The following ADAMTS14 variants were observed in gnomAD, a reference collection of about 807,000 sequenced individuals.
The protein encoded by ADAMTS14 is A disintegrin and metalloproteinase with thrombospondin motifs 14.
Under a neutral mutation model 128.6 loss-of-function variants are expected in ADAMTS14, and 100 were observed. That is an observed-to-expected ratio of 0.78 (90% CI 0.66 to 0.92). The LOEUF (loss-of-function observed/expected upper bound fraction) is 0.92, where lower values mean the gene tolerates loss of function less well. Among genes scored for constraint, ADAMTS14 ranks in the 40% least tolerant of loss-of-function variants. ADAMTS14 has a pLI of 0.00. For synonymous variants in ADAMTS14, 665 were observed against 653.8 expected, an observed-to-expected ratio of 1.02 and a Z score of -0.26; for missense variants, 1,562 against 1,658.6, an observed-to-expected ratio of 0.94 and a Z score of 1.01.
intron 4 of ADAMTS14, among the ~76,000 whole-genome samples, chr10:70,709,797 G>A (rs2132617307): frequency 6.6e-6 from 1 of 152,312 alleles, no homozygotes; most frequent in Admixed American, 6.5e-5. Context: ...ACCGCGCCCA[G>A]CCTACATTTC....
chr10:70,756,945 G>A (rs900372738), intron 19 of ADAMTS14, among the ~76,000 whole-genome samples: 2 of 152,076 alleles, frequency 1.3e-5, no homozygotes. Context: ...GTCAGGAGCT[G>A]TTAGCTGCTG....
At chr10:70,695,557 A>C (rs1280580351) in intron 2 of ADAMTS14, among the ~76,000 whole-genome samples, 1 of 152,132 alleles carries the variant, frequency 6.6e-6, no homozygotes, top group Non-Finnish European at 1.5e-5. Flanking sequence ...GACTGATGGA[A>C]CCACCAGGGT....
chr10:70,674,495 C>A, intron 1 of ADAMTS14, 61 bp from the exon 2 acceptor site: 1 of 1,535,982 alleles, frequency 6.5e-7, no homozygotes, highest in Non-Finnish European at 8.8e-7. Context: ...CGTGGGATTT[C>A]TGACTTCCCC....
chr10:70,751,710 G>A lies in ADAMTS14; in HGVS notation c.2596+64G>A, dbSNP rs1842356849. 1.2e-5 allele frequency: 19 copies of A among 1,563,608 alleles called. No individual in the cohort carries two copies. The Admixed American group carries it at 3.1e-4, about 25-fold the overall frequency. On this transcript the variant is annotated intron_variant, in intron 17 of 21. Transcript: ENST00000373207. Reference sequence around the variant, plus strand: ...GCCCAGGATCCCTTGAGAGGCAGGGGTGGGGGACTGATGTTGTCTCCATTT... The same window carrying A: ...GCCCAGGATCCCTTGAGAGGCAGGGATGGGGGACTGATGTTGTCTCCATTT...
rs1284865636 is a variant in ADAMTS14, at chr10:70,751,616, TG to T, written c.2569del (p.Ala857ProfsTer56). ...MDTYEWALKS[W>X]APCSKACGGG... The stretch of plus-strand genomic sequence containing the variant: ...CACCTATGAGTGGGCGCTCAAGAGC[TG>T]GGCCCCCTGCAGCAAGGCCTGTGGA... On this transcript the variant is annotated frameshift_variant, in exon 17 of 22. Transcript: ENST00000373207. The T allele has an allele frequency of 5.6e-6, 9 of 1,611,450 alleles. No individual in the cohort carries two copies. In the African/African-American group the frequency reaches 1.1e-4, roughly 19 times the overall value.
chr10:70,708,849 C>G, intron 4 of ADAMTS14, 71 bp downstream of exon 4: 1 of 1,226,318 alleles, frequency 8.2e-7, no homozygotes, highest in Admixed American at 2.6e-5. Context: ...CCACTGGGCC[C>G]CAGTGCTGAT....
rs770831901 is a variant in ADAMTS14, at chr10:70,753,886, T to C, written c.2816T>C (p.Leu939Pro). Residue 939 changes from leucine to proline, a missense_variant, in exon 19 of 22, where the codon CTC (leucine) becomes CCC (proline). Transcript: ENST00000373207. ...QTRGIQCLLP[L>P]SNGTHKVMPA... ...CGGGGGATACAGTGCCTGCTGCCCC[T>C]CTCCAATGGAACCCACAAGGTCATG... 1.3e-6 allele frequency: 2 copies of C among 1,592,018 alleles called. No homozygotes were observed. Among genetic ancestry groups the C allele is most frequent in the South Asian group, 2.3e-5 (2 of 86,790 alleles).
chr10:70,700,642 C>G (rs1840465968), intron 2 of ADAMTS14, among the ~76,000 whole-genome samples: 2 of 152,120 alleles, frequency 1.3e-5, no homozygotes, highest in South Asian at 4.2e-4. Context: ...AGTACCTTCC[C>G]CTTCAGGCCA....
intron 2 of ADAMTS14, among the ~76,000 whole-genome samples, chr10:70,675,449 T>C (rs539888588): frequency 6.6e-5 from 10 of 152,320 alleles, no homozygotes; most frequent in Middle Eastern, 3.4e-3. Flanking sequence ...GTGTTAATGA[T>C]ATGGCCTGCC....
At chr10:70,690,699 CTT>C (rs1182708110) in intron 2 of ADAMTS14, among the ~76,000 whole-genome samples, 1 of 145,168 alleles carries the variant, frequency 6.9e-6, no homozygotes, top group Non-Finnish European at 1.6e-5. Context: ...GGGGCCCTCT[CTT>C]GGGCCTGTTC....
intron 6 of ADAMTS14, among the ~76,000 whole-genome samples, chr10:70,730,675 A>C (rs1841607154): frequency 1.3e-5 from 2 of 152,148 alleles, no homozygotes; most frequent in African/African-American, 2.4e-5. Flanking sequence ...CACCTTGCCA[A>C]CCCAGTGGTC....
intron 6 of ADAMTS14, 24 bp from the exon 7 acceptor site, chr10:70,732,227 TCCA>T: frequency 6.2e-7 from 1 of 1,605,796 alleles, no homozygotes; most frequent in Non-Finnish European, 8.5e-7. Context: ...CACCTCGCTC[TCCA>T]CCTTTTCTTT....
intron 12 of ADAMTS14, among the ~76,000 whole-genome samples, chr10:70,743,148 G>T (rs1386468912): frequency 1.3e-5 from 2 of 152,172 alleles, no homozygotes; most frequent in Non-Finnish European, 2.9e-5. Context: ...TCATTGAGGT[G>T]TTGAGAGGGT....
intron 4 of ADAMTS14, among the ~76,000 whole-genome samples, 157 bp from the exon 5 acceptor site, chr10:70,729,137 C>G (rs566512193): frequency 6.6e-6 from 1 of 152,178 alleles, no homozygotes; most frequent in South Asian, 2.1e-4. Context: ...ATTTTGCCCC[C>G]TCAGTCTCAG....
chr10:70,734,873 A>C (rs4747092), intron 8 of ADAMTS14, among the ~76,000 whole-genome samples: 13 of 152,130 alleles, frequency 8.5e-5, no homozygotes, highest in African/African-American at 3.1e-4. Flanking sequence ...TGTCCCTCTA[A>C]GGTGGGCAAA....
rs2587475 is a variant in ADAMTS14 at position 70,753,926 on chromosome 10, C to T, written c.2856C>T (p.Cys952=). ...ACAAGGTCATGCCGGCCAAAGCCTG[C>T]GCCGGGGACCGGCCTGAGGCCCGAC... ...GTHKVMPAKA[C]AGDRPEARRP... The change falls in exon 19 of 22, where the codon TGC becomes TGT. Residue 952 remains cysteine (C), a synonymous_variant. Transcript: ENST00000373207. The T allele has an allele frequency of 0.56, 881,785 of 1,587,610 alleles. 246,119 individuals are homozygous for T. Among genetic ancestry groups the T allele is most frequent in the Admixed American group, 0.64 (35,995 of 55,962 alleles).
intron 2 of ADAMTS14, among the ~76,000 whole-genome samples, chr10:70,683,064 C>T (rs75326903): frequency 0.042 from 6,454 of 152,342 alleles, 229 homozygotes; most frequent in African/African-American, 0.096. Flanking sequence ...TGCTGAGGCA[C>T]GCACACTGCC....
At position 70,757,950 on chromosome 10, in the gene ADAMTS14, C is replaced by A. The variant is rs376119961; in HGVS notation, c.2938-12C>A. 6.3e-7 allele frequency: 1 copy of A among 1,597,336 alleles called. No homozygotes were observed. Among genetic ancestry groups the A allele is most frequent in the Admixed American group, 1.7e-5 (1 of 58,562 alleles). On this transcript the variant is annotated splice_polypyrimidine_tract_variant and intron_variant, in intron 19 of 21. Coordinates refer to ENST00000373207, the MANE Select transcript of ADAMTS14 (RefSeq NM_080722.4). ...CCGGCCGCTATGCCTGGCACTGACCCACCCACGGCAGTGCTCTGCCACCTG... is the reference window on the plus strand; with the variant it reads ...CCGGCCGCTATGCCTGGCACTGACCAACCCACGGCAGTGCTCTGCCACCTG...
At chr10:70,683,796 C>T (rs1324322074) in intron 2 of ADAMTS14, among the ~76,000 whole-genome samples, 1 of 152,142 alleles carries the variant, frequency 6.6e-6, no homozygotes, top group Non-Finnish European at 1.5e-5. Context: ...TTTACATGAC[C>T]AGCATGGTGC....
Sources: gnomAD v4.1 joint callset for allele counts (sites outside exome capture counted in the v4.1 genomes callset) on GRCh38, gnomAD v4.1.1 for gene constraint, MANE v1.5 for transcripts, NCBI Gene and HGNC (gene_info 2026-07-23, HGNC 2026-07-21) for gene names.